Variants in CUL1 observed in about 807,000 individuals in gnomAD.
CUL1 encodes cullin 1.
In CUL1, 24 loss-of-function variants were observed where a neutral mutation model predicts 118.0. The ratio of observed to expected loss-of-function variants is 0.20; its 90% CI spans 0.15 to 0.29. The LOEUF (loss-of-function observed/expected upper bound fraction) is 0.29. Among genes scored for constraint, CUL1 ranks in the 10% least tolerant of loss-of-function variants. The probability of loss-of-function intolerance (pLI) is 1.00; values close to 1 mark genes in which losing one functional copy is unlikely to be tolerated. For synonymous variants in CUL1, 332 were observed against 340.4 expected (o/e 0.98, Z 0.27); for missense variants, 361 against 933.8 (o/e 0.39, Z 7.99).
intron 3 of CUL1, among the ~76,000 whole-genome samples, chr7:148,756,431 G>A (rs1799659811): frequency 6.6e-6 from 1 of 152,110 alleles, no homozygotes; most frequent in South Asian, 2.1e-4. Flanking sequence ...CGCCTCCTGG[G>A]TTCAAGCGAG....
chr7:148,728,104 T>G (rs1183791725), intron 1 of CUL1, among the ~76,000 whole-genome samples: 1 of 152,164 alleles, frequency 6.6e-6, no homozygotes, highest in Admixed American at 6.5e-5. Context: ...GGAGATGAGC[T>G]AATGCATTTG....
At chr7:148,743,503 C>T (rs1450386338) in intron 2 of CUL1, among the ~76,000 whole-genome samples, 1 of 152,144 alleles carries the variant, frequency 6.6e-6, no homozygotes, top group African/African-American at 2.4e-5. Flanking sequence ...ACAGATCATC[C>T]AAGTTGTGAT....
chr7:148,765,019 C>T (rs1799960017), intron 7 of CUL1, among the ~76,000 whole-genome samples: 1 of 152,132 alleles, frequency 6.6e-6, no homozygotes, highest in Non-Finnish European at 1.5e-5. Context: ...TCTATTTCTT[C>T]ATTTATGAGT....
At chr7:148,795,225 G>T (rs769405289) in intron 17 of CUL1, among the ~76,000 whole-genome samples, 1 of 151,956 alleles carries the variant, frequency 6.6e-6, no homozygotes, top group Non-Finnish European at 1.5e-5. Context: ...AGCTCACTGC[G>T]GTATCAAATG....
intron 1 of CUL1, among the ~76,000 whole-genome samples, chr7:148,721,715 C>T (rs1205272956): frequency 6.6e-6 from 1 of 150,778 alleles, no homozygotes. Flanking sequence ...GTATATATTC[C>T]TTTGTCACCT....
chr7:148,712,670 A>G (rs1563147106), intron 1 of CUL1, among the ~76,000 whole-genome samples: 1 of 152,186 alleles, frequency 6.6e-6, no homozygotes, highest in Non-Finnish European at 1.5e-5. Context: ...TAAGCATTTT[A>G]TTTTCGTAAC....
At chr7:148,706,963 A>G (rs1302603736) in intron 1 of CUL1, among the ~76,000 whole-genome samples, 1 of 152,152 alleles carries the variant, frequency 6.6e-6, no homozygotes, top group East Asian at 1.9e-4. Flanking sequence ...GGCATATTGA[A>G]GGGCCTTTAA....
chr7:148,770,211 T>C (rs942135450), intron 9 of CUL1, among the ~76,000 whole-genome samples: 3 of 152,240 alleles, frequency 2.0e-5, no homozygotes, highest in Non-Finnish European at 4.4e-5. Flanking sequence ...ATAAACTGCC[T>C]TTAACAGCAG....
chr7:148,740,898 A>G (rs1379470139), intron 2 of CUL1, among the ~76,000 whole-genome samples: 1 of 152,220 alleles, frequency 6.6e-6, no homozygotes, highest in Admixed American at 6.5e-5. Flanking sequence ...CAACCCTGAC[A>G]GTACCTTGAG....
At chr7:148,749,572 C>A (rs1311611589) in intron 2 of CUL1, among the ~76,000 whole-genome samples, 1 of 152,120 alleles carries the variant, frequency 6.6e-6, no homozygotes, top group Admixed American at 6.5e-5. Flanking sequence ...ACACTGCACC[C>A]ATCTAAAACA....
chr7:148,754,326 A>G (rs978225493), intron 3 of CUL1, among the ~76,000 whole-genome samples, 176 bp downstream of exon 3: 6 of 152,216 alleles, frequency 3.9e-5, no homozygotes, highest in African/African-American at 9.6e-5. Context: ...AAATCACCAT[A>G]AACTATATTC....
chr7:148,800,671 T>C lies in CUL1; in HGVS notation c.*89T>C, dbSNP rs774627368. 9.7e-7 allele frequency: 1 copy of C among 1,032,910 alleles called. No individual in the cohort carries two copies. The allele number at this position is 1,032,910 out of a possible 1,614,324, so 64.0% of individuals were successfully genotyped here. A position where few individuals can be genotyped will look rare whatever the true frequency, so the allele number is the denominator to read the frequency against. On this transcript the variant is annotated 3_prime_UTR_variant, in exon 22 of 22. Coordinates refer to ENST00000325222, the MANE Select transcript of CUL1 (RefSeq NM_003592.3). This position sits in a 1 kb window ranked among gnomAD's most constrained non-coding sequence, Gnocchi z 4.6. The stretch of plus-strand genomic sequence containing the variant: ...CAACTCAAGTTCATAGCAGCCAGCC[T>C]GCCGCCATTGGACCTCCCTTTTAAA...
chr7:148,747,114 C>T (rs57123554), intron 2 of CUL1, among the ~76,000 whole-genome samples: 5,951 of 152,214 alleles, frequency 0.039, 416 homozygotes, highest in African/African-American at 0.14. Context: ...TTGAATATTC[C>T]AGATTTTACT....
chr7:148,774,321 A>G (rs1800326517), intron 9 of CUL1, among the ~76,000 whole-genome samples: 1 of 152,216 alleles, frequency 6.6e-6, no homozygotes, highest in Admixed American at 6.5e-5. Context: ...CCTAAAAAGC[A>G]TGGTAGTGCC....
At chr7:148,747,472 C>T (rs931161628) in intron 2 of CUL1, among the ~76,000 whole-genome samples, 5 of 152,068 alleles carry the variant, frequency 3.3e-5, no homozygotes, top group African/African-American at 7.2e-5. Context: ...GTAGGCTGGC[C>T]GGTAGGGGTC....
At chr7:148,703,817 C>G (rs941563106) in intron 1 of CUL1, among the ~76,000 whole-genome samples, 5 of 152,108 alleles carry the variant, frequency 3.3e-5, no homozygotes, top group African/African-American at 1.2e-4. Flanking sequence ...AGGCGTGAGC[C>G]ACTGCGCCCG....
intron 6 of CUL1, 102 bp downstream of exon 6, chr7:148,759,740 G>T: frequency 3.7e-6 from 2 of 540,968 alleles, no homozygotes; most frequent in South Asian, 4.1e-5. Flanking sequence ...ATATTATAAA[G>T]GATATTGTTA....
Position 148,759,657 on chromosome 7 carries a change from GT to G in CUL1, c.625+22del. ...TCTTACGGTAAATAATTTCCCTTTA[GT>G]TTATTCAAAGTTTTCACATCAAATG... is the stretch of plus-strand genomic sequence containing the variant. On this transcript the variant is annotated intron_variant, in intron 6 of 21. Transcript: ENST00000325222. 6.8e-7 allele frequency: 1 copy of G among 1,473,568 alleles called. No homozygotes were observed. Among genetic ancestry groups the G allele is most frequent in the Non-Finnish European group, 9.3e-7 (1 of 1,080,822 alleles). The allele number at this position is 1,473,568 out of a possible 1,614,324, so 91.3% of individuals were successfully genotyped here.
At chr7:148,705,266 T>C (rs549741472) in intron 1 of CUL1, among the ~76,000 whole-genome samples, 2 of 152,294 alleles carry the variant, frequency 1.3e-5, no homozygotes, top group South Asian at 2.1e-4. Context: ...TAGTGTGAAC[T>C]TTTTTTGCTT....
Sources: allele counts gnomAD v4.1 joint callset (sites outside exome capture counted in the v4.1 genomes callset), GRCh38; gene constraint gnomAD v4.1.1; non-coding constraint Gnocchi (gnomAD v3.1); transcripts MANE v1.5; gene names NCBI Gene and HGNC (gene_info 2026-07-23, HGNC 2026-07-21).